The following TP73 variants were observed in gnomAD, a reference collection of about 807,000 sequenced individuals.
TP73 encodes tumor protein p73.
TP73 carries 25 observed loss-of-function variants against 62.5 expected under a neutral mutation model. The ratio of observed to expected loss-of-function variants is 0.40; its 90% CI spans 0.29 to 0.56. The LOEUF is 0.56. TP73 is among the 20% of genes least tolerant of loss of function. The pLI, the probability that TP73 is intolerant of heterozygous loss-of-function variation, is 0.46. For synonymous variants in TP73, 423 were observed against 377.5 expected (o/e 1.12, Z -1.40); for missense variants, 754 against 913.3 (o/e 0.83, Z 2.25).
Position 3,733,389 on chromosome 1 carries a change from G to A in TP73, c.*310G>A. On this transcript the variant is annotated 3_prime_UTR_variant, in exon 14 of 14. Transcript: ENST00000378295. ...CGTGCTCCATGGCAGGCGTGGGTGG[G>A]GACCGCAGCGTCGGCTCCGACTTCC... The A allele has an allele frequency of 2.3e-6, 1 of 441,924 alleles. No homozygotes were observed. Among genetic ancestry groups the A allele is most frequent in the Non-Finnish European group, 4.1e-6 (1 of 244,872 alleles). 27.4% of individuals were successfully genotyped at this position (441,924 alleles called of 1,614,324 possible).
intron 1 of TP73, among the ~76,000 whole-genome samples, chr1:3,673,675 G>A (rs529356298): frequency 6.6e-6 from 1 of 152,216 alleles, no homozygotes; most frequent in African/African-American, 2.4e-5. Context: ...GGCACGAAGC[G>A]GTGGGGCAGG....
chr1:3,715,719 CGCAG>C (rs1640539188), intron 4 of TP73, among the ~76,000 whole-genome samples: 1 of 152,220 alleles, frequency 6.6e-6, no homozygotes, highest in East Asian at 1.9e-4. Flanking sequence ...AACGCTGCCT[CGCAG>C]CCTCCCCCAA....
At chr1:3,675,760 C>T (rs1294436349) in intron 1 of TP73, among the ~76,000 whole-genome samples, 1 of 152,074 alleles carries the variant, frequency 6.6e-6, no homozygotes, top group African/African-American at 2.4e-5. Flanking sequence ...AGTGTCCTGG[C>T]TTATCAAAGG....
At position 3,732,911 on chromosome 1, in the gene TP73, G is replaced by A. The variant is rs1157273761; in HGVS notation, c.1743G>A (p.Arg581=). The A allele has an allele frequency of 1.9e-6, 3 of 1,611,004 alleles. No homozygotes were observed. Among genetic ancestry groups the A allele is most frequent in the Non-Finnish European group, 2.5e-6 (3 of 1,179,580 alleles). The stretch of plus-strand genomic sequence containing the variant: ...GCTCAGGGGAACTGCAGCGCCAGCG[G>A]GTCATGGAGGCCGTGCACTTCCGCG... ...IGGSGELQRQ[R]VMEAVHFRVR... The change falls in exon 14 of 14, where the codon CGG becomes CGA. Residue 581 remains arginine, a synonymous_variant. Transcript: ENST00000378295.
chr1:3,702,662 C>T (rs555537044), intron 3 of TP73, among the ~76,000 whole-genome samples: 19 of 152,326 alleles, frequency 1.2e-4, no homozygotes, highest in East Asian at 3.9e-4. Flanking sequence ...CTGGTGCGTC[C>T]GCGGCCTGGA....
intron 1 of TP73, among the ~76,000 whole-genome samples, chr1:3,671,311 G>T (rs2102046702): frequency 6.6e-6 from 1 of 152,296 alleles, no homozygotes; most frequent in Middle Eastern, 3.4e-3. Context: ...TTGTGACCTT[G>T]GTGGTCCTGT....
chr1:3,713,674 G>T (rs190744921), intron 4 of TP73, among the ~76,000 whole-genome samples: 1 of 152,288 alleles, frequency 6.6e-6, no homozygotes, highest in East Asian at 1.9e-4. Flanking sequence ...GGCCCTGAGC[G>T]ACCTCCAGAC....
rs1325585325 is a variant in TP73, at chr1:3,670,908, G to A, written c.-33-11425G>A. On this transcript the variant is annotated intron_variant, in intron 1 of 13. Transcript: ENST00000378295. This position sits in a 1 kb window ranked among gnomAD's most constrained non-coding sequence, Gnocchi z 5.9. ...GGGGCTGCAGCGCAGAGAGCAGTCAGGGCTTGGTGGTCTGGCCCGCAAAGA... is the reference window on the plus strand; with the variant it reads ...GGGGCTGCAGCGCAGAGAGCAGTCAAGGCTTGGTGGTCTGGCCCGCAAAGA... 6.6e-6 allele frequency among the ~76,000 whole-genome samples: 1 copy of A among 152,208 alleles called. No individual in the cohort carries two copies. Among genetic ancestry groups the A allele is most frequent in the African/African-American group, 2.4e-5 (1 of 41,454 alleles).
chr1:3,722,255 C>G, intron 5 of TP73, 48 bp downstream of exon 5: 1 of 1,604,450 alleles, frequency 6.2e-7, no homozygotes, highest in South Asian at 1.1e-5. Flanking sequence ...TGCCCAGCAT[C>G]CCGGACAGCA....
chr1:3,725,651 GGGGT>G (rs1557577880), intron 6 of TP73, among the ~76,000 whole-genome samples: 3 of 141,644 alleles, frequency 2.1e-5, no homozygotes, highest in South Asian at 2.3e-4. Flanking sequence ...ATGGGTAGAT[GGGGT>G]GGGTGGATGG....
intron 6 of TP73, among the ~76,000 whole-genome samples, chr1:3,725,901 A>G (rs1641512565): frequency 2.0e-5 from 2 of 98,254 alleles, no homozygotes; most frequent in Non-Finnish European, 2.0e-5. Flanking sequence ...ACTGATATTG[A>G]ATGGATGGGT....
At chr1:3,713,976 C>T (rs531387202) in intron 4 of TP73, among the ~76,000 whole-genome samples, 1 of 152,218 alleles carries the variant, frequency 6.6e-6, no homozygotes, top group East Asian at 1.9e-4. Flanking sequence ...GGGGGATTAC[C>T]TAAAGCCCAG....
At chr1:3,730,583 T>C (rs146671922) in intron 11 of TP73, among the ~76,000 whole-genome samples, 2 of 152,224 alleles carry the variant, frequency 1.3e-5, no homozygotes, top group East Asian at 1.9e-4. Flanking sequence ...AAGGTCCTCA[T>C]GTGGGCAGGA....
At chr1:3,677,062 G>C (rs961391752) in intron 1 of TP73, among the ~76,000 whole-genome samples, 7 of 152,094 alleles carry the variant, frequency 4.6e-5, no homozygotes, top group African/African-American at 1.4e-4. Flanking sequence ...AGTCATCAGA[G>C]AGCCTTGTTT....
At chr1:3,686,894 C>T (rs566877038) in intron 3 of TP73, among the ~76,000 whole-genome samples, 8 of 152,338 alleles carry the variant, frequency 5.3e-5, no homozygotes, top group African/African-American at 1.7e-4. Flanking sequence ...GGCTCCAAGT[C>T]ACCCACGATG....
chr1:3,725,953 AGTGGATGGATGGATGGG>A (rs1381048307), intron 6 of TP73, among the ~76,000 whole-genome samples: 1 of 44,222 alleles, frequency 2.3e-5, no homozygotes. Context: ...TAATGGGGGG[AGTGGATGGATGGATGGG>A]GTGGATGGGT....
intron 6 of TP73, among the ~76,000 whole-genome samples, 163 bp downstream of exon 6, chr1:3,723,632 G>A (rs1278607793): frequency 6.6e-6 from 1 of 152,142 alleles, no homozygotes; most frequent in Non-Finnish European, 1.5e-5. Context: ...GTCTGTGTCG[G>A]CGGCTCCTTC....
In TP73 at chr1:3,707,629, C is replaced by A; in HGVS notation, c.267C>A (p.His89Gln). 1 of 1,612,948 alleles carries A rather than the reference C, an allele frequency of 6.2e-7. No homozygotes were observed. The highest frequency in any genetic ancestry group is 8.5e-7 in the Non-Finnish European group (1 of 1,179,926). Residue 89 changes from histidine to glutamine, a missense_variant, in exon 4 of 14, where the codon CAC becomes CAA. This residue lies in a region of TP73 where 235 missense variants were observed against 251.4 expected (regional missense o/e 0.93). Transcript: ENST00000378295. ...AASASPYTPE[H>Q]AASVPTHSPY... Reference sequence around the variant, plus strand: ...CGGCCAGCCCCTACACCCCAGAGCACGCCGCCAGCGTGCCCACCCACTCGC... The same window carrying A: ...CGGCCAGCCCCTACACCCCAGAGCAAGCCGCCAGCGTGCCCACCCACTCGC...
At position 3,711,168 on chromosome 1, in the gene TP73, G is replaced by A. The variant is rs1640109047; in HGVS notation, c.429+3377G>A. 2.0e-5 allele frequency among the ~76,000 whole-genome samples: 3 copies of A among 152,366 alleles called. No individual in the cohort carries two copies. The South Asian group carries it at 6.2e-4, about 32-fold the overall frequency. On this transcript the variant is annotated intron_variant, in intron 4 of 13. Coordinates refer to ENST00000378295, the MANE Select transcript of TP73 (RefSeq NM_005427.4). ...GCCTGCCAGCCATGGTGGGGACAAA[G>A]GAGCTGGCTCTTGGGACTTCTTAGG...
Sources: allele counts gnomAD v4.1 joint callset (sites outside exome capture counted in the v4.1 genomes callset), GRCh38; gene constraint gnomAD v4.1.1; regional missense constraint gnomAD v4.1.1; non-coding constraint Gnocchi (gnomAD v3.1); transcripts MANE v1.5; gene names NCBI Gene and HGNC (gene_info 2026-07-23, HGNC 2026-07-21).